The following LYPLAL1 variants were observed in gnomAD, a reference collection of about 807,000 sequenced individuals.
The protein encoded by LYPLAL1 is lysophospholipase like 1.
Under a neutral mutation model 19.7 loss-of-function variants are expected in LYPLAL1, and 23 were observed. That is an observed-to-expected ratio of 1.17 (90% CI 0.84 to 1.65). The LOEUF (loss-of-function observed/expected upper bound fraction) is 1.65, where lower values mean the gene tolerates loss of function less well. LYPLAL1 is among the 40% of genes most tolerant of loss of function. LYPLAL1 has a pLI of 0.00. For synonymous variants in LYPLAL1, 119 were observed against 96.3 expected, an observed-to-expected ratio of 1.24 and a Z score of -1.38; for missense variants, 355 against 279.4, an observed-to-expected ratio of 1.27 and a Z score of -1.93.
chr1:219,207,121 T>C (rs1444368245), intron 3 of LYPLAL1, among the ~76,000 whole-genome samples: 5 of 152,100 alleles, frequency 3.3e-5, no homozygotes, highest in Non-Finnish European at 7.4e-5. Flanking sequence ...ATTAGTTACA[T>C]TTGGCAGACA....
chr1:219,375,856 C>T, the LYPLAL1 span, among the ~76,000 whole-genome samples: 1 of 151,740 alleles, frequency 6.6e-6, no homozygotes, highest in South Asian at 2.1e-4. Flanking sequence ...ATTATCCTGC[C>T]TTAGCCTCCC....
the LYPLAL1 span, among the ~76,000 whole-genome samples, chr1:219,413,375 T>C: frequency 6.6e-6 from 1 of 152,254 alleles, no homozygotes; most frequent in African/African-American, 2.4e-5. Context: ...ATATGGGCTT[T>C]TCGGACTGCC....
the LYPLAL1 span, among the ~76,000 whole-genome samples, chr1:219,284,537 A>C: frequency 1.8e-4 from 28 of 152,342 alleles, no homozygotes; most frequent in African/African-American, 6.7e-4. Context: ...AAATAAATAC[A>C]CAAGAAAATA....
At chr1:219,365,509 G>T in the LYPLAL1 span, among the ~76,000 whole-genome samples, 10 of 152,144 alleles carry the variant, frequency 6.6e-5, no homozygotes, top group Non-Finnish European at 1.5e-4. Flanking sequence ...TGTGGGACTT[G>T]CATGAATAGC....
the LYPLAL1 span, among the ~76,000 whole-genome samples, chr1:219,335,887 A>G: frequency 3.3e-5 from 5 of 151,690 alleles, no homozygotes; most frequent in Non-Finnish European, 7.4e-5. Flanking sequence ...TAAGAAAAAT[A>G]TTTGAGCAGG....
At chr1:219,258,143 G>A in the LYPLAL1 span, among the ~76,000 whole-genome samples, 2 of 151,894 alleles carry the variant, frequency 1.3e-5, no homozygotes, top group Non-Finnish European at 2.9e-5. Context: ...TATTCTGTTC[G>A]TTGTCAAGGT....
At chr1:219,419,195 C>T in the LYPLAL1 span, among the ~76,000 whole-genome samples, 1,045 of 152,314 alleles carry the variant, frequency 6.9e-3, 11 homozygotes, top group African/African-American at 0.024. Flanking sequence ...ATTGCTGGCT[C>T]ATGTGCTAAG....
At chr1:219,321,860 T>TG in the LYPLAL1 span, among the ~76,000 whole-genome samples, 3 of 152,278 alleles carry the variant, frequency 2.0e-5, no homozygotes, top group African/African-American at 7.2e-5. Flanking sequence ...CACACCCTTT[T>TG]TTACTGGGTA....
chr1:219,421,876 GT>G, the LYPLAL1 span, among the ~76,000 whole-genome samples: 1 of 152,150 alleles, frequency 6.6e-6, no homozygotes, highest in Non-Finnish European at 1.5e-5. Context: ...TTACTTTAAC[GT>G]TTTTTAGGTG....
chr1:219,405,277 A>T, the LYPLAL1 span, among the ~76,000 whole-genome samples: 2 of 152,214 alleles, frequency 1.3e-5, no homozygotes, highest in East Asian at 3.8e-4. Context: ...TTGAGTAGAT[A>T]ACACCACCAA....
At chr1:219,329,436 G>T in the LYPLAL1 span, among the ~76,000 whole-genome samples, 4 of 152,104 alleles carry the variant, frequency 2.6e-5, no homozygotes, top group Admixed American at 6.6e-5. Flanking sequence ...TACAGTGTAA[G>T]ATTCTTGGGA....
At chr1:219,300,514 A>T in the LYPLAL1 span, among the ~76,000 whole-genome samples, 8 of 147,462 alleles carry the variant, frequency 5.4e-5, no homozygotes, top group East Asian at 1.4e-3. Context: ...TGAACCTATG[A>T]GATTCTTTAT....
chr1:219,209,899 G>A (rs1658863458), intron 3 of LYPLAL1, among the ~76,000 whole-genome samples: 1 of 152,026 alleles, frequency 6.6e-6, no homozygotes, highest in Admixed American at 6.6e-5. Flanking sequence ...ACATTAAAGA[G>A]ACAATAACAG....
chr1:219,388,802 T>C, the LYPLAL1 span, among the ~76,000 whole-genome samples: 1 of 152,218 alleles, frequency 6.6e-6, no homozygotes, highest in Non-Finnish European at 1.5e-5. Context: ...AGAGATGTAT[T>C]GACAAACATT....
chr1:219,286,558 C>T, the LYPLAL1 span, among the ~76,000 whole-genome samples: 2 of 152,158 alleles, frequency 1.3e-5, no homozygotes, highest in South Asian at 4.1e-4. Context: ...TGCATTCTAG[C>T]AAATTAGGAG....
chr1:219,314,150 G>A, the LYPLAL1 span, among the ~76,000 whole-genome samples: 1 of 152,148 alleles, frequency 6.6e-6, no homozygotes, highest in Non-Finnish European at 1.5e-5. Context: ...GCTTCAAAGG[G>A]CATGACGTCA....
the LYPLAL1 span, among the ~76,000 whole-genome samples, chr1:219,356,627 G>A: frequency 6.6e-6 from 1 of 152,024 alleles, no homozygotes; most frequent in Admixed American, 6.6e-5. Flanking sequence ...CATTGCTTTG[G>A]GGGAAGTATA....
intron 3 of LYPLAL1, among the ~76,000 whole-genome samples, chr1:219,194,437 G>A (rs1352364174): frequency 1.3e-4 from 19 of 151,864 alleles, no homozygotes; most frequent in Admixed American, 1.1e-3. Context: ...TATGTGCTAC[G>A]CATTATTATA....
chr1:219,351,136 T>C, the LYPLAL1 span, among the ~76,000 whole-genome samples: 5 of 151,806 alleles, frequency 3.3e-5, no homozygotes, highest in South Asian at 6.3e-4. Flanking sequence ...ATTTGCATTG[T>C]TATCTAGTAT....
Sources: gnomAD v4.1 joint callset for allele counts (sites outside exome capture counted in the v4.1 genomes callset) on GRCh38, gnomAD v4.1.1 for gene constraint, MANE v1.5 for transcripts, NCBI Gene and HGNC (gene_info 2026-07-23, HGNC 2026-07-21) for gene names.